Variants in RILPL1 observed in about 807,000 individuals in gnomAD.
The protein encoded by RILPL1 is RILP-like protein 1.
RILPL1 carries 33 observed loss-of-function variants against 50.3 expected under a neutral mutation model. The ratio of observed to expected loss-of-function variants is 0.66; its 90% CI spans 0.50 to 0.88. RILPL1 has a LOEUF of 0.88. RILPL1 is among the 40% of genes least tolerant of loss of function. RILPL1 has a pLI of 0.00. For missense variants in RILPL1, 418 were observed against 542.5 expected (o/e 0.77, Z 2.28); for synonymous variants, 205 against 228.6 (o/e 0.90, Z 0.93).
chr12:123,479,387 G>T (rs1044540639), intron 6 of RILPL1, among the ~76,000 whole-genome samples: 2 of 152,204 alleles, frequency 1.3e-5, no homozygotes, highest in East Asian at 1.9e-4. Flanking sequence ...CTGAAGAGCC[G>T]CCCTGAGCAG....
chr12:123,532,425 C>CAGGGTGGGGAGGAGACACGG, intron 1 of RILPL1, among the ~76,000 whole-genome samples: 1 of 152,258 alleles, frequency 6.6e-6, no homozygotes, highest in Middle Eastern at 3.4e-3. Context: ...CCAATTCAAA[C>CAGGGTGGGGAGGAGACACGG]AGGGTGGGGA....
At chr12:123,475,562 G>A in intron 6 of RILPL1, 1 of 752,076 alleles carries the variant, frequency 1.3e-6, no homozygotes, top group Non-Finnish European at 2.3e-6. Context: ...CGGCCATGCA[G>A]CTTAAGTGGC....
Position 123,485,495 on chromosome 12 carries a change from C to T in RILPL1, c.974+138G>A, listed in dbSNP as rs761582849. 7 of 782,046 alleles carry T rather than the reference C, an allele frequency of 9.0e-6. No individual in the cohort carries two copies. Among genetic ancestry groups the T allele is most frequent in the Non-Finnish European group, 1.0e-5 (5 of 488,958 alleles). 48.4% of individuals were successfully genotyped at this position (782,046 alleles called of 1,614,324 possible). A position where few individuals can be genotyped will look rare whatever the true frequency, so the allele number is the denominator to read the frequency against. On this transcript the variant is annotated intron_variant, in intron 5 of 6. Coordinates refer to ENST00000376874, the MANE Select transcript of RILPL1 (RefSeq NM_178314.5). The surrounding 1 kb of genome is among the most constrained non-coding windows in gnomAD (Gnocchi z 4.0). Reference sequence around the variant, plus strand: ...GGGGTTGTGAGCTTGTATGTAAGTTCTTTAGGCCAGAGAGGGTACCCAAAA... The same window carrying T: ...GGGGTTGTGAGCTTGTATGTAAGTTTTTTAGGCCAGAGAGGGTACCCAAAA...
At chr12:123,509,202 T>C (rs1002157950) in intron 2 of RILPL1, among the ~76,000 whole-genome samples, 7 of 151,832 alleles carry the variant, frequency 4.6e-5, no homozygotes, top group African/African-American at 1.7e-4. Flanking sequence ...TAAATGTCCA[T>C]CAACGGAAGA....
rs1015285739 is a variant in RILPL1, at chr12:123,533,090, G to C, written c.309+84C>G. 18 of 1,337,334 alleles carry C rather than the reference G, an allele frequency of 1.3e-5. No individual in the cohort carries two copies. The South Asian group carries it at 1.6e-4, about 12-fold the overall frequency. The allele number at this position is 1,337,334 out of a possible 1,614,324, so 82.8% of individuals were successfully genotyped here. A position where few individuals can be genotyped will look rare whatever the true frequency, so the allele number is the denominator to read the frequency against. ...CCGGTCCCTGAACACACACACGTGCGCACCCACAGCTGCCCAATGCGGAAG... is the reference window on the plus strand; with the variant it reads ...CCGGTCCCTGAACACACACACGTGCCCACCCACAGCTGCCCAATGCGGAAG... On this transcript the variant is annotated intron_variant, in intron 1 of 6. Coordinates refer to ENST00000376874, the MANE Select transcript of RILPL1 (RefSeq NM_178314.5). This position sits in a 1 kb window ranked among gnomAD's most constrained non-coding sequence, Gnocchi z 6.2.
rs749657516 is a variant in RILPL1 at position 123,516,033 on chromosome 12, C to CAAAAAAAA, written c.460+7454_460+7461dup. 9.1e-4 allele frequency among the ~76,000 whole-genome samples: 33 copies of CAAAAAAAA among 36,184 alleles called. 1 individual carries two copies. Among genetic ancestry groups the CAAAAAAAA allele is most frequent in the African/African-American group, 2.8e-3 (30 of 10,788 alleles). 23.7% of individuals were successfully genotyped at this position (36,184 alleles called of 152,430 possible). ...TGGGCCACAGAGCGAGACTCTGTCTCAAAAAAAAAAAAAAAAAAAAAAAAA... is the reference window on the plus strand; with the variant it reads ...TGGGCCACAGAGCGAGACTCTGTCTCAAAAAAAAAAAAAAAAAAAAAAAAAAAAAAAAA... On this transcript the variant is annotated intron_variant, in intron 2 of 6. Coordinates refer to ENST00000376874, the MANE Select transcript of RILPL1 (RefSeq NM_178314.5).
chr12:123,472,199 A>C lies in RILPL1; in HGVS notation c.*339T>G. On this transcript the variant is annotated 3_prime_UTR_variant, in exon 7 of 7. Transcript: ENST00000376874. The stretch of plus-strand genomic sequence containing the variant: ...TTTATACAAAGCAAGTCAAACAGCA[A>C]TGATAGTGGCAAGTGATGTATTTGG... 3.7e-6 allele frequency: 1 copy of C among 269,842 alleles called. No individual in the cohort carries two copies. The highest frequency in any genetic ancestry group is 7.1e-6 in the Non-Finnish European group (1 of 140,522). The allele number at this position is 269,842 out of a possible 1,614,324, so 16.7% of individuals were successfully genotyped here. A position where few individuals can be genotyped will look rare whatever the true frequency, so the allele number is the denominator to read the frequency against.
intron 2 of RILPL1, among the ~76,000 whole-genome samples, chr12:123,509,905 G>C (rs1389632995): frequency 6.6e-6 from 1 of 152,228 alleles, no homozygotes; most frequent in Non-Finnish European, 1.5e-5. Context: ...GGCCCTACTG[G>C]TACAATTCAT....
intron 2 of RILPL1, among the ~76,000 whole-genome samples, chr12:123,511,503 G>A (rs1333290179): frequency 7.6e-6 from 1 of 132,334 alleles, no homozygotes. Flanking sequence ...ATGTGTGTAT[G>A]TGGTGTGTCT....
chr12:123,484,393 G>A, intron 5 of RILPL1, 121 bp from the exon 6 acceptor site: 2 of 727,204 alleles, frequency 2.8e-6, no homozygotes, highest in South Asian at 3.0e-5. Context: ...ACCCGCATCT[G>A]TATTTCCAGT....
rs543211760 is a variant in RILPL1, at chr12:123,522,623, T to C, written c.460+872A>G. 1.1e-4 allele frequency among the ~76,000 whole-genome samples: 16 copies of C among 152,116 alleles called. No individual in the cohort carries two copies. Among genetic ancestry groups the C allele is most frequent in the Non-Finnish European group, 1.9e-4 (13 of 68,028 alleles). On this transcript the variant is annotated intron_variant, in intron 2 of 6. Coordinates refer to ENST00000376874, the MANE Select transcript of RILPL1 (RefSeq NM_178314.5). This position sits in a 1 kb window ranked among gnomAD's most constrained non-coding sequence, Gnocchi z 4.0. ...ACACTAGCCTTCTTTATTTTTTTCA[T>C]CTTACTGTCGCTCAGGCTGTAGCGC...
At chr12:123,495,042 G>A (rs144243041) in intron 4 of RILPL1, among the ~76,000 whole-genome samples, 27 of 152,296 alleles carry the variant, frequency 1.8e-4, no homozygotes, top group Non-Finnish European at 3.5e-4. Context: ...TCGCAGCCAT[G>A]TGACTCAGGA....
Position 123,491,433 on chromosome 12 carries a change from G to A in RILPL1, c.802-5628C>T, listed in dbSNP as rs1882682600. Among the ~76,000 whole-genome samples the A allele has an allele frequency of 6.6e-6, 1 of 152,198 alleles. No individual in the cohort carries two copies. Among genetic ancestry groups the A allele is most frequent in the Non-Finnish European group, 1.5e-5 (1 of 68,032 alleles). ...GCTGCCCAGAGGCCTTAGGGAGGCA[G>A]CATCCTGGGTCAGGGCCTCCATCCC... On this transcript the variant is annotated intron_variant, in intron 4 of 6. Coordinates refer to ENST00000376874, the MANE Select transcript of RILPL1 (RefSeq NM_178314.5). The surrounding 1 kb of genome is among the most constrained non-coding windows in gnomAD (Gnocchi z 4.0).
At position 123,492,884 on chromosome 12, in the gene RILPL1, G is replaced by A. The variant is rs934853155; in HGVS notation, c.801+5660C>T. 3.3e-5 allele frequency among the ~76,000 whole-genome samples: 5 copies of A among 152,202 alleles called. No individual in the cohort carries two copies. In the East Asian group the frequency reaches 9.6e-4, roughly 29 times the overall value. On this transcript the variant is annotated intron_variant, in intron 4 of 6. Coordinates refer to ENST00000376874, the MANE Select transcript of RILPL1 (RefSeq NM_178314.5). ...GATGCTTGAAGGCAGCATGCTCCCAGAGACACAAACACTGCGGAAGGCCAC... is the reference window on the plus strand; with the variant it reads ...GATGCTTGAAGGCAGCATGCTCCCAAAGACACAAACACTGCGGAAGGCCAC...
At chr12:123,475,949 G>T in intron 6 of RILPL1, 1 of 503,136 alleles carries the variant, frequency 2.0e-6, no homozygotes, top group Non-Finnish European at 3.6e-6. Flanking sequence ...TCTCGTCCAG[G>T]CTGGAGTGCG....
chr12:123,501,443 A>AAAACAAACAAAC (rs34227751), intron 2 of RILPL1, among the ~76,000 whole-genome samples: 3,846 of 149,790 alleles, frequency 0.026, 157 homozygotes, highest in African/African-American at 0.087. Context: ...ACCCTGTCTC[A>AAAACAAACAAAC]AAACAAACAA....
rs772533724 is a variant in RILPL1 at position 123,523,565 on chromosome 12, G to A, written c.390C>T (p.Asn130=). 4 of 1,613,838 alleles carry A rather than the reference G, an allele frequency of 2.5e-6. No individual in the cohort carries two copies. The highest frequency in any genetic ancestry group is 1.7e-5 in the Admixed American group (1 of 59,998). The change falls in exon 2 of 7, where the codon AAC becomes AAT. Residue 130 remains asparagine, a synonymous_variant. Coordinates refer to ENST00000376874, the MANE Select transcript of RILPL1 (RefSeq NM_178314.5). The part of the protein sequence containing the change: ...LSQIAQLQEE[N]KQLMTNLSHK... ...GGGAGAGGTTGGTCATGAGCTGCTT[G>A]TTCTCCTCCTGCAGCTGGGCGATCT...
chr12:123,517,984 C>T (rs966432486), intron 2 of RILPL1, among the ~76,000 whole-genome samples: 1 of 152,078 alleles, frequency 6.6e-6, no homozygotes, highest in African/African-American at 2.4e-5. Context: ...AGGAAAAATA[C>T]GATATGACTC....
At chr12:123,503,227 G>A (rs553990357) in intron 2 of RILPL1, among the ~76,000 whole-genome samples, 52 of 103,480 alleles carry the variant, frequency 5.0e-4, no homozygotes, top group African/African-American at 1.9e-3. Context: ...TTGAGACAGA[G>A]TCTCACTCTG....
Sources: gnomAD v4.1 joint callset for allele counts (sites outside exome capture counted in the v4.1 genomes callset) on GRCh38, gnomAD v4.1.1 for gene constraint, Gnocchi (gnomAD v3.1) non-coding constraint, MANE v1.5 for transcripts, NCBI Gene and HGNC (gene_info 2026-07-23, HGNC 2026-07-21) for gene names.